DYM: variants seen among roughly 807,000 people sequenced by gnomAD.
The protein encoded by DYM is dymeclin, also known as dyggve-Melchior-Clausen syndrome protein.
Under a neutral mutation model 93.1 loss-of-function variants are expected in DYM, and 78 were observed. That is an observed-to-expected ratio of 0.84 (90% confidence interval 0.70 to 1.01). DYM has a LOEUF of 1.01. Ranked by LOEUF, DYM falls within the 50% of genes least tolerant of loss-of-function variation. DYM has a pLI of 0.00. For synonymous variants in DYM, 321 were observed against 319.7 expected (o/e 1.00, Z -0.04); for missense variants, 789 against 845.0 (o/e 0.93, Z 0.82).
intron 2 of DYM, among the ~76,000 whole-genome samples, chr18:49,414,509 C>G (rs2072673926): frequency 6.6e-6 from 1 of 152,154 alleles, no homozygotes; most frequent in East Asian, 1.9e-4. Context: ...TACCATACAA[C>G]TTATAAGATC....
chr18:49,045,851 G>A (rs1483877571), intron 17 of DYM, among the ~76,000 whole-genome samples: 1 of 152,112 alleles, frequency 6.6e-6, no homozygotes, highest in African/African-American at 2.4e-5. Context: ...CTGGGGAGCT[G>A]CACATAAGGT....
At chr18:49,056,839 G>A (rs8093136) in intron 17 of DYM, among the ~76,000 whole-genome samples, 17 of 152,136 alleles carry the variant, frequency 1.1e-4, no homozygotes, top group East Asian at 3.8e-4. Flanking sequence ...GAGCCACCGC[G>A]CCCGGCCACA....
chr18:49,131,916 G>A (rs888018206), intron 15 of DYM, among the ~76,000 whole-genome samples: 12 of 152,094 alleles, frequency 7.9e-5, no homozygotes, highest in African/African-American at 2.4e-4. Flanking sequence ...AATTTCTGCC[G>A]TATAATTGGA....
At chr18:49,420,911 C>G (rs961156264) in intron 2 of DYM, among the ~76,000 whole-genome samples, 1 of 152,190 alleles carries the variant, frequency 6.6e-6, no homozygotes, top group Non-Finnish European at 1.5e-5. Context: ...GCCTTGCTCA[C>G]TGCTAGCACA....
At chr18:49,213,461 G>A (rs1324640520) in intron 13 of DYM, among the ~76,000 whole-genome samples, 2 of 152,132 alleles carry the variant, frequency 1.3e-5, no homozygotes, top group African/African-American at 4.8e-5. Context: ...GACTACAGGC[G>A]CATGCCACCA....
At chr18:49,438,415 A>G (rs2148544640) in intron 1 of DYM, among the ~76,000 whole-genome samples, 1 of 152,306 alleles carries the variant, frequency 6.6e-6, no homozygotes, top group East Asian at 1.9e-4. Flanking sequence ...CATGCTAAAA[A>G]AATAACAGGC....
chr18:49,192,349 G>A (rs2091060576), intron 14 of DYM, among the ~76,000 whole-genome samples: 1 of 152,110 alleles, frequency 6.6e-6, no homozygotes, highest in Non-Finnish European at 1.5e-5. Context: ...TCATTGTCCA[G>A]ACACAATGTC....
intron 1 of DYM, among the ~76,000 whole-genome samples, chr18:49,443,056 C>T (rs2081791626): frequency 1.3e-5 from 2 of 152,024 alleles, no homozygotes; most frequent in South Asian, 4.1e-4. Flanking sequence ...CCATGTTGGC[C>T]AGGCTGGTCT....
At position 49,095,457 on chromosome 18, in the gene DYM, T is replaced by TG. The variant is rs199918280; in HGVS notation, c.2025+1944_2025+1945insC. ...AGTACTGGTGATAGTGTTTTTTTTT[T>TG]TTTGTTTTGTTTTTAAACTGAATCA... On this transcript the variant is annotated intron_variant, in intron 17 of 17. Transcript: ENST00000675505. 2.0e-3 allele frequency among the ~76,000 whole-genome samples: 295 copies of TG among 148,804 alleles called. 4 individuals are homozygous for TG. The highest frequency in any genetic ancestry group is 0.011 in the East Asian group (56 of 5,156).
intron 5 of DYM, among the ~76,000 whole-genome samples, chr18:49,365,661 C>G (rs548339061): frequency 6.6e-6 from 1 of 152,304 alleles, no homozygotes; most frequent in African/African-American, 2.4e-5. Flanking sequence ...TAAAATCACT[C>G]AGTGATTCCC....
intron 13 of DYM, among the ~76,000 whole-genome samples, chr18:49,225,219 C>T (rs541141533): frequency 7.9e-5 from 12 of 152,172 alleles, no homozygotes; most frequent in African/African-American, 2.4e-4. Context: ...AAATAGCATG[C>T]GTGCACACAC....
intron 2 of DYM, among the ~76,000 whole-genome samples, chr18:49,406,577 GAAAA>G (rs894873244): frequency 6.6e-6 from 1 of 151,890 alleles, no homozygotes; most frequent in Non-Finnish European, 1.5e-5. Flanking sequence ...GAAAAGAAAA[GAAAA>G]AAGAAAGTGG....
chr18:49,151,498 T>C (rs2085812174), intron 15 of DYM, among the ~76,000 whole-genome samples: 1 of 152,234 alleles, frequency 6.6e-6, no homozygotes, highest in African/African-American at 2.4e-5. Context: ...TATAATCAAC[T>C]GTAATAATAA....
intron 11 of DYM, among the ~76,000 whole-genome samples, chr18:49,270,619 T>C (rs2094672286): frequency 6.6e-6 from 1 of 152,192 alleles, no homozygotes; most frequent in African/African-American, 2.4e-5. Context: ...ATGGATATGC[T>C]AATTTACCTG....
chr18:49,452,994 G>A (rs2082654513), intron 1 of DYM, among the ~76,000 whole-genome samples: 1 of 131,886 alleles, frequency 7.6e-6, no homozygotes, highest in Non-Finnish European at 1.6e-5. Context: ...AATCTGGTGG[G>A]GACTTGGAGA....
chr18:49,434,611 TAA>T (rs1180831488), intron 1 of DYM, among the ~76,000 whole-genome samples: 11 of 152,150 alleles, frequency 7.2e-5, no homozygotes, highest in South Asian at 2.1e-4. Flanking sequence ...TTTTTTATAT[TAA>T]GTTTGTCATA....
chr18:49,272,143 T>C (rs2094720042), intron 11 of DYM, 35 bp downstream of exon 11: 1 of 1,600,538 alleles, frequency 6.2e-7, no homozygotes, highest in South Asian at 1.1e-5. Flanking sequence ...TCTGTTCTGT[T>C]AACTCTAACT....
chr18:49,431,219 T>C (rs2080291941), intron 1 of DYM, among the ~76,000 whole-genome samples: 1 of 152,190 alleles, frequency 6.6e-6, no homozygotes, highest in African/African-American at 2.4e-5. Flanking sequence ...GTGAAAGAGA[T>C]CCCAATTACA....
At chr18:49,345,140 G>A (rs528041600) in intron 6 of DYM, among the ~76,000 whole-genome samples, 1 of 152,246 alleles carries the variant, frequency 6.6e-6, no homozygotes, top group East Asian at 1.9e-4. Flanking sequence ...GGCCCATGCT[G>A]GGAGGGAAGC....
Sources: gnomAD v4.1 joint callset for allele counts (sites outside exome capture counted in the v4.1 genomes callset) on GRCh38, gnomAD v4.1.1 for gene constraint, MANE v1.5 for transcripts, NCBI Gene and HGNC (gene_info 2026-07-23, HGNC 2026-07-21) for gene names.